PARD3B: variants seen among roughly 807,000 people sequenced by gnomAD.
PARD3B encodes par-3 family cell polarity regulator beta.
A neutral mutation model predicts 130.2 loss-of-function variants in PARD3B; 103 were observed. The observed-to-expected ratio is 0.79, with a 90% CI of 0.67 to 0.93. The LOEUF (loss-of-function observed/expected upper bound fraction) is 0.93. Among genes scored for constraint, PARD3B ranks in the 40% least tolerant of loss-of-function variants. The pLI is 0.00. For synonymous variants in PARD3B, 583 were observed against 553.2 expected, an observed-to-expected ratio of 1.05 and a Z score of -0.76; for missense variants, 1,609 against 1,499.2, an observed-to-expected ratio of 1.07 and a Z score of -1.21.
At chr2:205,154,708 A>G (rs1009347858) in intron 10 of PARD3B, among the ~76,000 whole-genome samples, 2 of 152,212 alleles carry the variant, frequency 1.3e-5, no homozygotes, top group Non-Finnish European at 2.9e-5. Flanking sequence ...ATGGAATACT[A>G]TGCATCCATA....
At chr2:205,096,368 T>C (rs16836928) in intron 4 of PARD3B, among the ~76,000 whole-genome samples, 4,814 of 152,278 alleles carry the variant, frequency 0.032, 248 homozygotes, top group African/African-American at 0.11. Flanking sequence ...CAGAATTCAG[T>C]TACTGTATCT....
At chr2:205,106,129 ATTCTT>A (rs900854950) in intron 5 of PARD3B, among the ~76,000 whole-genome samples, 13 of 151,508 alleles carry the variant, frequency 8.6e-5, no homozygotes, top group African/African-American at 3.1e-4. Context: ...AAATATATAT[ATTCTT>A]TTATTTATTT....
At chr2:204,991,867 A>C (rs1413180234) in intron 3 of PARD3B, among the ~76,000 whole-genome samples, 2 of 150,426 alleles carry the variant, frequency 1.3e-5, no homozygotes, top group East Asian at 2.0e-4. Flanking sequence ...TGGCTGCATA[A>C]ATGTCTTCTT....
intron 1 of PARD3B, among the ~76,000 whole-genome samples, chr2:204,641,595 T>C (rs1432044751): frequency 6.6e-6 from 1 of 152,184 alleles, no homozygotes; most frequent in Non-Finnish European, 1.5e-5. Context: ...TGAGTTTCTT[T>C]GGATATCTGT....
rs1358015856 is a variant in PARD3B, at chr2:205,530,683, T to C, written c.3181-22641T>C. 6.6e-6 allele frequency among the ~76,000 whole-genome samples: 1 copy of C among 151,484 alleles called. No individual in the cohort carries two copies. Among genetic ancestry groups the C allele is most frequent in the Non-Finnish European group, 1.5e-5 (1 of 68,012 alleles). ...TGTGTGTGGTTAGCAGGGTAAGAGC[T>C]AACTTGGATTCCTTTCTTTCATAAT... On this transcript the variant is annotated intron_variant, in intron 21 of 22. Transcript: ENST00000406610. The surrounding 1 kb of genome is among the most constrained non-coding windows in gnomAD (Gnocchi z 4.7).
In PARD3B at chr2:205,258,392, T is replaced by C. The variant is rs2040178814; in HGVS notation, c.2185+12570T>C. Among the ~76,000 whole-genome samples the C allele has an allele frequency of 6.6e-6, 1 of 152,210 alleles. No individual in the cohort carries two copies. The highest frequency in any genetic ancestry group is 6.5e-5 in the Admixed American group (1 of 15,278). On this transcript the variant is annotated intron_variant, in intron 16 of 22. Coordinates refer to ENST00000406610, the MANE Select transcript of PARD3B (RefSeq NM_001302769.2). The surrounding 1 kb of genome is among the most constrained non-coding windows in gnomAD (Gnocchi z 4.9). ...ACTCTGATTCAATTCTCAGGTCAAA[T>C]GTTCTTTCTTCAAAGACAATTTCTG... is the stretch of plus-strand genomic sequence containing the variant.
intron 22 of PARD3B, among the ~76,000 whole-genome samples, chr2:205,555,134 T>C (rs6435290): frequency 0.5 from 76,516 of 151,876 alleles, 20,855 homozygotes; most frequent in Middle Eastern, 0.73. Context: ...TGAGAGGGAG[T>C]AAAAAAAGGA....
chr2:204,759,314 A>G (rs773951639), intron 2 of PARD3B, among the ~76,000 whole-genome samples: 11 of 152,164 alleles, frequency 7.2e-5, no homozygotes, highest in Non-Finnish European at 1.6e-4. Flanking sequence ...AAAACTTTTC[A>G]AATAAGTATA....
intron 3 of PARD3B, among the ~76,000 whole-genome samples, chr2:204,999,235 G>A (rs1280546675): frequency 5.9e-5 from 9 of 151,286 alleles, no homozygotes; most frequent in South Asian, 4.2e-4. Flanking sequence ...ATTCATTATC[G>A]TTGTCATCAT....
intron 2 of PARD3B, among the ~76,000 whole-genome samples, chr2:204,868,090 A>G (rs2045495123): frequency 6.6e-6 from 1 of 152,168 alleles, no homozygotes; most frequent in African/African-American, 2.4e-5. Flanking sequence ...AGATATCTGT[A>G]TATCTCACTT....
At chr2:205,603,308 A>G (rs1177296403) in intron 22 of PARD3B, among the ~76,000 whole-genome samples, 1 of 152,168 alleles carries the variant, frequency 6.6e-6, no homozygotes, top group Non-Finnish European at 1.5e-5. Context: ...ATGTGTCACC[A>G]AAAAGAATGT....
intron 10 of PARD3B, among the ~76,000 whole-genome samples, chr2:205,131,104 A>T (rs1230640784): frequency 6.6e-6 from 1 of 152,190 alleles, no homozygotes; most frequent in Non-Finnish European, 1.5e-5. Context: ...CATTTAAATG[A>T]TATATTATTT....
rs1702105932 is a variant in PARD3B at position 205,091,465 on chromosome 2, T to C, written c.505-12961T>C. Among the ~76,000 whole-genome samples the C allele has an allele frequency of 6.6e-6, 1 of 152,078 alleles. No individual in the cohort carries two copies. Among genetic ancestry groups the C allele is most frequent in the South Asian group, 2.1e-4 (1 of 4,820 alleles). ...GAGGAGGGTGGCCATTAGAATATCC[T>C]CCCCACATTCACTCAGGCTTGTTGT... On this transcript the variant is annotated intron_variant, in intron 4 of 22. Coordinates refer to ENST00000406610, the MANE Select transcript of PARD3B (RefSeq NM_001302769.2). This position sits in a 1 kb window ranked among gnomAD's most constrained non-coding sequence, Gnocchi z 4.2.
intron 2 of PARD3B, among the ~76,000 whole-genome samples, chr2:204,901,115 A>G (rs1252975030): frequency 6.6e-6 from 1 of 152,024 alleles, no homozygotes; most frequent in Non-Finnish European, 1.5e-5. Flanking sequence ...GCTAGTGCCT[A>G]TGTTTGCTCA....
At chr2:204,839,470 T>C (rs976035402) in intron 2 of PARD3B, among the ~76,000 whole-genome samples, 19 of 152,202 alleles carry the variant, frequency 1.2e-4, no homozygotes, top group African/African-American at 4.6e-4. Flanking sequence ...ATTTTAGAAA[T>C]GTTTACCTTA....
chr2:204,770,903 G>T (rs779515168), intron 2 of PARD3B, among the ~76,000 whole-genome samples: 2 of 152,006 alleles, frequency 1.3e-5, no homozygotes, highest in African/African-American at 2.4e-5. Context: ...TGCAATTTTG[G>T]CAAACAGCAG....
intron 18 of PARD3B, among the ~76,000 whole-genome samples, chr2:205,376,200 G>C (rs1464577099): frequency 6.6e-6 from 1 of 152,098 alleles, no homozygotes; most frequent in African/African-American, 2.4e-5. Flanking sequence ...AGGTTTGGAG[G>C]ACTGAGAAAC....
chr2:205,101,052 C>T (rs540214807), intron 4 of PARD3B, among the ~76,000 whole-genome samples: 5 of 152,116 alleles, frequency 3.3e-5, no homozygotes, highest in South Asian at 2.1e-4. Context: ...GTGAAGACAA[C>T]CCAAAGAACA....
intron 21 of PARD3B, among the ~76,000 whole-genome samples, chr2:205,547,892 T>G (rs1559203426): frequency 6.6e-6 from 1 of 152,078 alleles, no homozygotes; most frequent in East Asian, 1.9e-4. Context: ...AGAAAGGTAG[T>G]TTTTAGCTTT....
Sources: gnomAD v4.1 joint callset for allele counts (sites outside exome capture counted in the v4.1 genomes callset) on GRCh38, gnomAD v4.1.1 for gene constraint, Gnocchi (gnomAD v3.1) non-coding constraint, MANE v1.5 for transcripts, NCBI Gene and HGNC (gene_info 2026-07-23, HGNC 2026-07-21) for gene names.